The following IFT56 variants were observed in gnomAD, a reference collection of about 807,000 sequenced individuals.
The protein encoded by IFT56 is intraflagellar transport 56, also known as intraflagellar transport protein 56.
chr7:139,160,998 T>C, the IFT56 span: 2 of 1,613,890 alleles, frequency 1.2e-6, no homozygotes, highest in Admixed American at 1.7e-5. Context: ...TTGAATTTGC[T>C]AAAGAACTCA....
the IFT56 span, among the ~76,000 whole-genome samples, chr7:139,177,126 C>T: frequency 6.7e-6 from 1 of 149,202 alleles, no homozygotes; most frequent in African/African-American, 2.5e-5. Flanking sequence ...GAGCCAAGAT[C>T]GCACCACTGC....
the IFT56 span, among the ~76,000 whole-genome samples, chr7:139,177,057 A>G: frequency 1.3e-5 from 2 of 151,824 alleles, no homozygotes; most frequent in African/African-American, 4.8e-5. Context: ...CTGTAATCCC[A>G]TCTACTTGGG....
the IFT56 span, among the ~76,000 whole-genome samples, chr7:139,187,057 G>T: frequency 7.2e-6 from 1 of 138,500 alleles, no homozygotes; most frequent in African/African-American, 2.9e-5. Flanking sequence ...TTGCGCCACT[G>T]CAGTCCGCAG....
the IFT56 span, among the ~76,000 whole-genome samples, chr7:139,180,631 C>T: frequency 6.6e-6 from 1 of 151,726 alleles, no homozygotes; most frequent in South Asian, 2.1e-4. Flanking sequence ...AATCACTTAA[C>T]CTGGGAGGCA....
the IFT56 span, among the ~76,000 whole-genome samples, chr7:139,141,547 T>C: frequency 6.6e-6 from 1 of 152,212 alleles, no homozygotes; most frequent in Non-Finnish European, 1.5e-5. Context: ...GCTTTATCTG[T>C]GCTAAGAACA....
the IFT56 span, chr7:139,142,436 A>G: frequency 2.6e-6 from 2 of 771,694 alleles, no homozygotes; most frequent in Admixed American, 2.5e-5. Context: ...CAAGTGGAAT[A>G]TAACTGTTAA....
the IFT56 span, among the ~76,000 whole-genome samples, chr7:139,142,530 C>T: frequency 1.1e-3 from 155 of 145,292 alleles, no homozygotes; most frequent in Middle Eastern, 6.9e-3. Flanking sequence ...CCTTAAGCAA[C>T]AGTCATATAA....
the IFT56 span, among the ~76,000 whole-genome samples, chr7:139,139,291 G>A: frequency 1.3e-5 from 2 of 152,190 alleles, no homozygotes; most frequent in East Asian, 1.9e-4. Flanking sequence ...GCTAGTATTC[G>A]TAAAAGGCAT....
At chr7:139,153,825 G>A in the IFT56 span, among the ~76,000 whole-genome samples, 4 of 152,094 alleles carry the variant, frequency 2.6e-5, no homozygotes, top group South Asian at 6.2e-4. Context: ...TTGTTTGTAT[G>A]TATGTTTTCA....
chr7:139,189,444 C>T, the IFT56 span: 16 of 1,568,312 alleles, frequency 1.0e-5, no homozygotes, highest in East Asian at 2.2e-5. Flanking sequence ...ATAGCGCCAG[C>T]GTCCTAGGAA....
At chr7:139,149,699 A>G in the IFT56 span, among the ~76,000 whole-genome samples, 1 of 152,176 alleles carries the variant, frequency 6.6e-6, no homozygotes, top group Non-Finnish European at 1.5e-5. Context: ...GGCACCATGC[A>G]GAACACTTTA....
chr7:139,165,344 A>T, the IFT56 span: 2 of 711,704 alleles, frequency 2.8e-6, no homozygotes, highest in Non-Finnish European at 4.6e-6. Flanking sequence ...CCAAAAATAT[A>T]TTTGCAACAA....
At chr7:139,176,840 C>T in the IFT56 span, among the ~76,000 whole-genome samples, 1 of 152,080 alleles carries the variant, frequency 6.6e-6, no homozygotes, top group Non-Finnish European at 1.5e-5. Flanking sequence ...AACTCCCAAC[C>T]ATTATGGAAC....
chr7:139,160,900 G>A, the IFT56 span: 1 of 1,426,138 alleles, frequency 7.0e-7, no homozygotes, highest in Non-Finnish European at 9.8e-7. Flanking sequence ...TGTGGTATAA[G>A]AACTATACAC....
chr7:139,162,477 A>G, the IFT56 span, among the ~76,000 whole-genome samples: 1 of 152,178 alleles, frequency 6.6e-6, no homozygotes, highest in Non-Finnish European at 1.5e-5. Flanking sequence ...CAGTGAACAC[A>G]TATTACTTTT....
chr7:139,139,707 G>T, the IFT56 span, among the ~76,000 whole-genome samples: 1 of 152,196 alleles, frequency 6.6e-6, no homozygotes, highest in Non-Finnish European at 1.5e-5. Flanking sequence ...TAGTCCTGCA[G>T]ATGTAGGACT....
At chr7:139,176,339 G>T in the IFT56 span, among the ~76,000 whole-genome samples, 1 of 151,432 alleles carries the variant, frequency 6.6e-6, no homozygotes, top group Non-Finnish European at 1.5e-5. Context: ...TGGATATATG[G>T]ACTACATACC....
chr7:139,135,772 T>A, the IFT56 span, among the ~76,000 whole-genome samples: 1 of 152,290 alleles, frequency 6.6e-6, no homozygotes, highest in East Asian at 1.9e-4. Flanking sequence ...AATGAAGAGT[T>A]CTGACAGCAT....
the IFT56 span, among the ~76,000 whole-genome samples, chr7:139,167,215 A>G: frequency 5.3e-5 from 8 of 152,196 alleles, no homozygotes; most frequent in Non-Finnish European, 4.4e-5. Flanking sequence ...GATACATGCA[A>G]TTATCTCATA....
Sources: allele counts gnomAD v4.1 joint callset (sites outside exome capture counted in the v4.1 genomes callset), GRCh38; gene constraint gnomAD v4.1.1; transcripts MANE v1.5; gene names NCBI Gene and HGNC (gene_info 2026-07-23, HGNC 2026-07-21).